SNX29: variants seen among roughly 807,000 people sequenced by gnomAD.
The protein encoded by SNX29 is sorting nexin-29.
Under a neutral mutation model 102.1 loss-of-function variants are expected in SNX29, and 78 were observed. The ratio of observed to expected loss-of-function variants is 0.76; its 90% CI spans 0.64 to 0.92. SNX29 has a LOEUF of 0.92. Among genes scored for constraint, SNX29 ranks in the 40% least tolerant of loss-of-function variants. SNX29 has a pLI of 0.00. For synonymous variants in SNX29, 580 were observed against 414.5 expected (o/e 1.40, Z -4.85); for missense variants, 1,280 against 1,061.7 (o/e 1.21, Z -2.86).
In SNX29 at chr16:12,572,920, G is replaced by A. The variant is rs943886851; in HGVS notation, c.*4291G>A. The A allele has an allele frequency of 2.0e-6, 2 of 977,010 alleles. No individual in the cohort carries two copies. The highest frequency in any genetic ancestry group is 1.7e-5 in the African/African-American group (1 of 58,832). 60.5% of individuals were successfully genotyped at this position (977,010 alleles called of 1,614,324 possible). On this transcript the variant is annotated 3_prime_UTR_variant, in exon 21 of 21. Coordinates refer to ENST00000566228, the MANE Select transcript of SNX29 (RefSeq NM_032167.5). ...CGCTCGGAATCACGGCAGACTTGGA[G>A]TGTTTCTTCAAGGCAGGCATCTGCT...
At chr16:12,537,089 C>A (rs781239890) in intron 20 of SNX29, among the ~76,000 whole-genome samples, 10 of 152,188 alleles carry the variant, frequency 6.6e-5, no homozygotes, top group African/African-American at 2.4e-4. Context: ...CCATGTATCT[C>A]CACCCACGGT....
chr16:12,027,594 TCAAAA>T, intron 4 of SNX29, 150 bp downstream of exon 4: 1 of 866,118 alleles, frequency 1.2e-6, no homozygotes, highest in Middle Eastern at 3.8e-4. Context: ...TTAATAGTAG[TCAAAA>T]CGTAATGGTG....
chr16:12,535,229 C>G lies in SNX29; in HGVS notation c.2318+10388C>G, dbSNP rs141089087. On this transcript the variant is annotated intron_variant, in intron 20 of 20. Transcript: ENST00000566228. Reference sequence around the variant, plus strand: ...TTTCAGCTCACTGCAACCTCTGCCTCCTGGGCTCAAGCGACTTTTGTGCTT... The same window carrying G: ...TTTCAGCTCACTGCAACCTCTGCCTGCTGGGCTCAAGCGACTTTTGTGCTT... Among the ~76,000 whole-genome samples the G allele has an allele frequency of 6.5e-3, 994 of 152,318 alleles. 28 individuals are homozygous for G. The East Asian group carries it at 0.094, about 14-fold the overall frequency.
chr16:12,489,691 ATTTCT>A (rs1182556051), intron 19 of SNX29, among the ~76,000 whole-genome samples: 10 of 152,210 alleles, frequency 6.6e-5, no homozygotes, highest in Middle Eastern at 6.8e-3. Context: ...CACTCATTTG[ATTTCT>A]TTTCTTTTGT....
In SNX29 at chr16:12,043,089, G is replaced by C; in HGVS notation, c.428+12G>C. ...CGCTGCAGGCTGAGGTACGTGGCCG[G>C]GATGCGAACTGGGATGGGATGGAGC... On this transcript the variant is annotated intron_variant, in intron 5 of 20. Transcript: ENST00000566228. 1.2e-6 allele frequency: 2 copies of C among 1,612,596 alleles called. No individual in the cohort carries two copies. The highest frequency in any genetic ancestry group is 1.7e-6 in the Non-Finnish European group (2 of 1,179,718).
At position 12,061,399 on chromosome 16, in the gene SNX29, C is replaced by A; in HGVS notation, c.1125-129C>A. ...ACTCCACGCTCTACCTCCCAGCCCA[C>A]ACCTCCTTCTGTTCTCAGCCCTGCC... On this transcript the variant is annotated intron_variant, in intron 8 of 20. Transcript: ENST00000566228. 6 of 698,854 alleles carry A rather than the reference C, an allele frequency of 8.6e-6. No homozygotes were observed. In the South Asian group the frequency reaches 8.9e-5, roughly 10 times the overall value. 43.3% of individuals were successfully genotyped at this position (698,854 alleles called of 1,614,324 possible).
At chr16:12,037,162 C>T (rs2057498842) in intron 4 of SNX29, among the ~76,000 whole-genome samples, 2 of 152,194 alleles carry the variant, frequency 1.3e-5, no homozygotes, top group Admixed American at 1.3e-4. Flanking sequence ...GGTTTGTGAG[C>T]CATGCGATCT....
At chr16:12,566,261 GACAGCACTGCCCACA>G (rs1459920859) in intron 20 of SNX29, among the ~76,000 whole-genome samples, 3 of 152,216 alleles carry the variant, frequency 2.0e-5, no homozygotes, top group Non-Finnish European at 4.4e-5. Context: ...CCAAGGGTCA[GACAGCACTGCCCACA>G]GCAGGACTGG....
Position 12,502,428 on chromosome 16 carries a change from C to T in SNX29, c.2179-22274C>T, listed in dbSNP as rs1255226628. Among the ~76,000 whole-genome samples, 5 of 152,246 alleles carry T rather than the reference C, an allele frequency of 3.3e-5. No homozygotes were observed. In the East Asian group the frequency reaches 9.6e-4, roughly 29 times the overall value. On this transcript the variant is annotated intron_variant, in intron 19 of 20. Transcript: ENST00000566228. ...CGGGCCCACAGGGAATGCTTCACAG[C>T]CGCCGGTGGTGGTGGTTGCTAGGCT...
At chr16:12,567,142 G>A (rs1222154743) in intron 20 of SNX29, among the ~76,000 whole-genome samples, 1 of 152,224 alleles carries the variant, frequency 6.6e-6, no homozygotes, top group African/African-American at 2.4e-5. Flanking sequence ...TTGTGAAACT[G>A]GGCTTGGATA....
intron 20 of SNX29, among the ~76,000 whole-genome samples, chr16:12,533,193 C>G (rs2076978415): frequency 6.6e-6 from 1 of 152,236 alleles, no homozygotes; most frequent in African/African-American, 2.4e-5. Flanking sequence ...GAACCAGCAG[C>G]CATCTGAGGC....
chr16:12,093,654 A>C (rs1362725260), intron 11 of SNX29: 1 of 152,022 alleles, frequency 6.6e-6, no homozygotes, highest in Non-Finnish European at 1.5e-5. Context: ...ATTTCTCTGA[A>C]CTCGTTTTCC....
At chr16:12,568,424 T>TCACA in intron 20 of SNX29, 82 bp from the exon 21 acceptor site, 1 of 1,569,036 alleles carries the variant, frequency 6.4e-7, no homozygotes, top group South Asian at 1.2e-5. Flanking sequence ...CCTCCTGCCC[T>TCACA]CACACCTGGC....
chr16:12,303,154 C>G (rs1036993015), intron 15 of SNX29, among the ~76,000 whole-genome samples: 1 of 152,052 alleles, frequency 6.6e-6, no homozygotes, highest in East Asian at 1.9e-4. Context: ...GACTGGCAGT[C>G]GATAGAGGTA....
At chr16:12,031,615 G>C (rs1235788513) in intron 4 of SNX29, among the ~76,000 whole-genome samples, 2 of 151,604 alleles carry the variant, frequency 1.3e-5, no homozygotes, top group Non-Finnish European at 2.9e-5. Flanking sequence ...GACCATCCTA[G>C]CTAACACGGT....
chr16:12,569,845 A>C lies in SNX29; in HGVS notation c.*1216A>C, dbSNP rs2079148795. On this transcript the variant is annotated 3_prime_UTR_variant, in exon 21 of 21. Coordinates refer to ENST00000566228, the MANE Select transcript of SNX29 (RefSeq NM_032167.5). ...GCATTTCTAGGGTAAACTAACTAGG[A>C]AGGATGTCGTGAAATGGACTATGCA... 1 of 230,882 alleles carries C rather than the reference A, an allele frequency of 4.3e-6. No homozygotes were observed. Among genetic ancestry groups the C allele is most frequent in the East Asian group, 6.1e-5 (1 of 16,294 alleles). The allele number at this position is 230,882 out of a possible 1,614,324, so 14.3% of individuals were successfully genotyped here.
At chr16:12,092,969 G>A (rs913737889) in intron 11 of SNX29, among the ~76,000 whole-genome samples, 2 of 152,200 alleles carry the variant, frequency 1.3e-5, no homozygotes, top group East Asian at 1.9e-4. Flanking sequence ...GGTGTTGGCC[G>A]ATGTGGGAAG....
intron 3 of SNX29, among the ~76,000 whole-genome samples, chr16:12,022,992 G>A (rs907350143): frequency 6.6e-6 from 1 of 150,966 alleles, no homozygotes; most frequent in Non-Finnish European, 1.5e-5. Context: ...TGCCCCCTGG[G>A]TCCAAGGAAT....
chr16:12,171,326 T>G (rs1373352685), intron 13 of SNX29, among the ~76,000 whole-genome samples: 2 of 152,184 alleles, frequency 1.3e-5, no homozygotes, highest in African/African-American at 2.4e-5. Flanking sequence ...TTACTTTTTT[T>G]TTTTGAAGGG....
Sources: allele counts gnomAD v4.1 joint callset (sites outside exome capture counted in the v4.1 genomes callset), GRCh38; gene constraint gnomAD v4.1.1; transcripts MANE v1.5; gene names NCBI Gene and HGNC (gene_info 2026-07-23, HGNC 2026-07-21).